Variants in HCN4 observed in about 807,000 individuals in gnomAD.
HCN4 encodes the protein hyperpolarization activated cyclic nucleotide gated potassium channel 4, also known as potassium/sodium hyperpolarization-activated cyclic nucleotide-gated channel 4.
A neutral mutation model predicts 76.9 loss-of-function variants in HCN4; 29 were observed. The observed-to-expected ratio is 0.38, with a 90% CI of 0.28 to 0.51. HCN4 has a LOEUF of 0.51. Among genes scored for constraint, HCN4 ranks in the 20% least tolerant of loss-of-function variants. HCN4 has a pLI of 0.90. For synonymous variants in HCN4, 772 were observed against 762.5 expected, an observed-to-expected ratio of 1.01 and a Z score of -0.21; for missense variants, 1,416 against 1,715.2, an observed-to-expected ratio of 0.83 and a Z score of 3.08.
chr15:73,367,576 C>T lies in HCN4; in HGVS notation c.695G>A (p.Arg232Lys). The change falls in exon 1 of 8, where the codon AGG becomes AAG. Residue 232 changes from arginine to lysine, a missense_variant. Physicochemically the swap from Arg to Lys is conservative, Grantham distance 26. Transcript: ENST00000261917. This position sits in a 1 kb window ranked among gnomAD's most constrained non-coding sequence, Gnocchi z 7.5. ...CACGGCTTTCTGGCTGCCGAACATC[C>T]TTAGGGAGAATTTGTTGACCCCGGG... is the stretch of plus-strand genomic sequence containing the variant. ...LQPGVNKFSLRMFGSQKAVER... is the reference protein window; with the variant it reads ...LQPGVNKFSLKMFGSQKAVER... 2 of 1,614,016 alleles carry T rather than the reference C, an allele frequency of 1.2e-6. No individual in the cohort carries two copies. Among genetic ancestry groups the T allele is most frequent in the Non-Finnish European group, 1.7e-6 (2 of 1,180,030 alleles).
intron 1 of HCN4, among the ~76,000 whole-genome samples, chr15:73,351,959 C>A (rs534202287): frequency 1.3e-5 from 2 of 152,156 alleles, no homozygotes; most frequent in Non-Finnish European, 1.5e-5. Flanking sequence ...CTCTTCTCCC[C>A]ACTTGTACCC....
chr15:73,360,315 G>A (rs2043099306), intron 1 of HCN4, among the ~76,000 whole-genome samples: 1 of 152,232 alleles, frequency 6.6e-6, no homozygotes, highest in Admixed American at 6.5e-5. Flanking sequence ...CTTGGTCTCT[G>A]GTTTCGCCTC....
At chr15:73,334,376 C>T (rs1425822503) in intron 2 of HCN4, among the ~76,000 whole-genome samples, 1 of 152,088 alleles carries the variant, frequency 6.6e-6, no homozygotes, top group Non-Finnish European at 1.5e-5. Context: ...CATGTTCAGG[C>T]ACCTGTATCC....
In HCN4 at chr15:73,367,371, C is replaced by T; in HGVS notation, c.785+115G>A. On this transcript the variant is annotated intron_variant, in intron 1 of 7. Transcript: ENST00000261917. This position sits in a 1 kb window ranked among gnomAD's most constrained non-coding sequence, Gnocchi z 7.5. ...CGGAGCCTAGAGGCGCCCTGCCTCT[C>T]TTGGAGCTCCCAGCGCAAGGCAGGA... The T allele has an allele frequency of 6.6e-7, 1 of 1,518,846 alleles. No individual in the cohort carries two copies. The highest frequency in any genetic ancestry group is 8.9e-7 in the Non-Finnish European group (1 of 1,126,704). The allele number at this position is 1,518,846 out of a possible 1,614,324, so 94.1% of individuals were successfully genotyped here. A position where few individuals can be genotyped will look rare whatever the true frequency, so the allele number is the denominator to read the frequency against.
At chr15:73,359,693 G>A (rs1170166916) in intron 1 of HCN4, among the ~76,000 whole-genome samples, 1 of 152,152 alleles carries the variant, frequency 6.6e-6, no homozygotes, top group East Asian at 1.9e-4. Flanking sequence ...TACACACTGA[G>A]CCCCGACCAT....
chr15:73,367,449 G>A lies in HCN4; in HGVS notation c.785+37C>T, dbSNP rs763199012. The A allele has an allele frequency of 5.0e-6, 8 of 1,611,620 alleles. No individual in the cohort carries two copies. The highest frequency in any genetic ancestry group is 1.7e-5 in the Admixed American group (1 of 60,000). ...CAGGAGGAGGCATGCCTGCCACCGC[G>A]CAGGGCACCCACAGGATCATCGCTG... On this transcript the variant is annotated intron_variant, in intron 1 of 7. Coordinates refer to ENST00000261917, the MANE Select transcript of HCN4 (RefSeq NM_005477.3). The surrounding 1 kb of genome is among the most constrained non-coding windows in gnomAD (Gnocchi z 7.5).
intron 2 of HCN4, among the ~76,000 whole-genome samples, chr15:73,342,076 TCA>T (rs1316178405): frequency 6.6e-6 from 1 of 152,198 alleles, no homozygotes; most frequent in African/African-American, 2.4e-5. Flanking sequence ...GTGGGCTGTC[TCA>T]CAGAGAGAGT....
At chr15:73,360,686 A>G (rs2043101339) in intron 1 of HCN4, among the ~76,000 whole-genome samples, 1 of 152,076 alleles carries the variant, frequency 6.6e-6, no homozygotes, top group Non-Finnish European at 1.5e-5. Flanking sequence ...GGGATATAAA[A>G]CTATTTGGAG....
intron 1 of HCN4, among the ~76,000 whole-genome samples, chr15:73,360,026 C>A (rs2043098207): frequency 6.6e-6 from 1 of 152,196 alleles, no homozygotes; most frequent in Non-Finnish European, 1.5e-5. Context: ...TCCTCAGAAA[C>A]AGCATCCCCA....
intron 2 of HCN4, among the ~76,000 whole-genome samples, chr15:73,334,102 TC>T (rs1338777095): frequency 2.0e-5 from 3 of 152,144 alleles, no homozygotes; most frequent in Non-Finnish European, 1.5e-5. Context: ...GCTTCTCGCC[TC>T]CCCAGCCCCT....
rs1173669109 is a variant in HCN4 at position 73,343,586 on chromosome 15, C to T, written c.1008G>A (p.Lys336=). Reference sequence around the variant, plus strand: ...CTACCATGAACCAGCTTTTCAGGTACTTCATTTTAATCCGCTGCGGGTCCA... The same window carrying T: ...CTACCATGAACCAGCTTTTCAGGTATTTCATTTTAATCCGCTGCGGGTCCA... ...IILDPQRIKM[K]YLKSWFMVDF... Residue 336 remains lysine (K), a synonymous_variant, in exon 2 of 8, where the codon AAG becomes AAA. Transcript: ENST00000261917. This position sits in a 1 kb window ranked among gnomAD's most constrained non-coding sequence, Gnocchi z 5.7. 1.2e-6 allele frequency: 2 copies of T among 1,614,152 alleles called. No homozygotes were observed. Among genetic ancestry groups the T allele is most frequent in the Non-Finnish European group, 8.5e-7 (1 of 1,180,018 alleles).
chr15:73,365,203 T>C (rs2043123209), intron 1 of HCN4, among the ~76,000 whole-genome samples: 1 of 152,166 alleles, frequency 6.6e-6, no homozygotes, highest in Non-Finnish European at 1.5e-5. Context: ...TCTTGCCTGT[T>C]TGACATTCTA....
rs1382370606 is a variant in HCN4 at position 73,323,164 on chromosome 15, G to T, written c.2929C>A (p.Gln977Lys). 6.4e-7 allele frequency: 1 copy of T among 1,566,012 alleles called. No individual in the cohort carries two copies. The highest frequency in any genetic ancestry group is 2.3e-5 in the East Asian group (1 of 44,124). The change falls in exon 8 of 8, where the codon CAG becomes AAG. Residue 977 changes from glutamine to lysine, a missense_variant. This residue lies in a region of HCN4 where 633 missense variants were observed against 579.8 expected (regional missense o/e 1.09). Coordinates refer to ENST00000261917, the MANE Select transcript of HCN4 (RefSeq NM_005477.3). Reference sequence around the variant, plus strand: ...CCTAGGGACAACTCCCCGGGAGGCTGGCCCAGCTGCCCGGGGCTAGATGAC... The same window carrying T: ...CCTAGGGACAACTCCCCGGGAGGCTTGCCCAGCTGCCCGGGGCTAGATGAC... ...SPSSSPGQLG[Q>K]PPGELSLGLA...
chr15:73,357,920 A>T (rs980232449), intron 1 of HCN4, among the ~76,000 whole-genome samples: 2 of 152,156 alleles, frequency 1.3e-5, no homozygotes, highest in Non-Finnish European at 2.9e-5. Context: ...GATTCTCAAA[A>T]GCTCTACTGG....
chr15:73,349,783 G>A (rs529614332), intron 1 of HCN4, among the ~76,000 whole-genome samples: 12 of 152,232 alleles, frequency 7.9e-5, no homozygotes, highest in South Asian at 2.1e-4. Flanking sequence ...TGGCAGAAAC[G>A]TCTACAAGAT....
In HCN4 at chr15:73,322,680, G is replaced by A. The variant is rs760100398; in HGVS notation, c.3413C>T (p.Pro1138Leu). 1.3e-6 allele frequency: 2 copies of A among 1,593,608 alleles called. No homozygotes were observed. Among genetic ancestry groups the A allele is most frequent in the South Asian group, 1.1e-5 (1 of 88,234 alleles). The change falls in exon 8 of 8, where the codon CCT becomes CTT. Residue 1138 changes from proline (P) to leucine (L), a missense_variant. By Grantham distance (98) the Pro-to-Leu change is moderately conservative. Transcript: ENST00000261917. ...GGGGATGGCACCATAGGGCCTCCCA[G>A]GGGGACCGAGGCCCCCGCTGCTCCC... ...GSGSSGGLGP[P>L]GRPYGAIPGQ...
At position 73,322,672 on chromosome 15, in the gene HCN4, G is replaced by A. The variant is rs565122032; in HGVS notation, c.3421C>T (p.Pro1141Ser). Reference sequence around the variant, plus strand: ...TGCTGGCCGGGGATGGCACCATAGGGCCTCCCAGGGGGACCGAGGCCCCCG... The same window carrying A: ...TGCTGGCCGGGGATGGCACCATAGGACCTCCCAGGGGGACCGAGGCCCCCG... ...SSGGLGPPGR[P>S]YGAIPGQHVT... The change falls in exon 8 of 8, where the codon CCC becomes TCC. Residue 1141 changes from proline to serine, a missense_variant. Coordinates refer to ENST00000261917, the MANE Select transcript of HCN4 (RefSeq NM_005477.3). 6.2e-7 allele frequency: 1 copy of A among 1,602,210 alleles called. No homozygotes were observed. The highest frequency in any genetic ancestry group is 2.3e-5 in the East Asian group (1 of 44,420).
chr15:73,349,891 G>A (rs1012050725), intron 1 of HCN4, among the ~76,000 whole-genome samples: 9 of 152,086 alleles, frequency 5.9e-5, no homozygotes, highest in Non-Finnish European at 8.8e-5. Context: ...ACAACCTCCC[G>A]TTCCACTCCA....
At chr15:73,339,821 T>C (rs548061426) in intron 2 of HCN4, among the ~76,000 whole-genome samples, 3 of 152,272 alleles carry the variant, frequency 2.0e-5, no homozygotes, top group Non-Finnish European at 4.4e-5. Flanking sequence ...TGGCCTGCTA[T>C]GGTCCTGGAG....
Sources: gnomAD v4.1 joint callset for allele counts (sites outside exome capture counted in the v4.1 genomes callset) on GRCh38, gnomAD v4.1.1 for gene constraint, gnomAD v4.1.1 regional missense constraint, Gnocchi (gnomAD v3.1) non-coding constraint, MANE v1.5 for transcripts, NCBI Gene and HGNC (gene_info 2026-07-23, HGNC 2026-07-21) for gene names.